ANKRD27: variants seen among roughly 807,000 people sequenced by gnomAD.
ANKRD27 encodes ankyrin repeat domain 27, also known as ankyrin repeat domain-containing protein 27.
ANKRD27 carries 112 observed loss-of-function variants against 129.7 expected under a neutral mutation model. The observed-to-expected ratio is 0.86, with a 90% CI of 0.74 to 1.01. The LOEUF (loss-of-function observed/expected upper bound fraction) is 1.01, where lower values mean the gene tolerates loss of function less well. Ranked by LOEUF, ANKRD27 falls within the 50% of genes least tolerant of loss-of-function variation. The probability of loss-of-function intolerance (pLI) is 0.00; values close to 1 mark genes in which losing one functional copy is unlikely to be tolerated. For missense variants in ANKRD27, 1,258 were observed against 1,300.5 expected (o/e 0.97, Z 0.50); for synonymous variants, 516 against 511.2 (o/e 1.01, Z -0.13).
chr19:32,670,177 G>A (rs536780782), intron 1 of ANKRD27, among the ~76,000 whole-genome samples: 1 of 152,114 alleles, frequency 6.6e-6, no homozygotes, highest in African/African-American at 2.4e-5. Flanking sequence ...AACACACCAC[G>A]CCCTTAACAA....
In ANKRD27 at chr19:32,619,352, C is replaced by A. The variant is rs373985005; in HGVS notation, c.1915G>T (p.Val639Leu). 1 of 1,613,706 alleles carries A rather than the reference C, an allele frequency of 6.2e-7. No individual in the cohort carries two copies. The highest frequency in any genetic ancestry group is 8.5e-7 in the Non-Finnish European group (1 of 1,179,976). The change falls in exon 20 of 29, where the codon GTG becomes TTG. Residue 639 changes from valine to leucine, a missense_variant. By Grantham distance (32) the Val-to-Leu change is conservative. Coordinates refer to ENST00000306065, the MANE Select transcript of ANKRD27 (RefSeq NM_032139.3). The stretch of plus-strand genomic sequence containing the variant: ...GAGGACTCTTGGCTGATGGAGTCCA[C>A]GGAGCGCTGCGGGGACTGCACAGGG... ...EAPVQSPQRSVDSISQESSTS... is the reference protein window; with the variant it reads ...EAPVQSPQRSLDSISQESSTS...
intron 22 of ANKRD27, among the ~76,000 whole-genome samples, chr19:32,610,483 TAAAA>T (rs35230573): frequency 5.6e-5 from 6 of 107,454 alleles, no homozygotes; most frequent in Admixed American, 1.0e-4. Flanking sequence ...AGACCGTCTC[TAAAA>T]AAAAAAAAAA....
Position 32,602,061 on chromosome 19 carries a change from A to T in ANKRD27, c.2721T>A (p.Ala907=). ...TGACATACTCCTTGCGGTCAGTTTC[A>T]GCCACATCATCTAATGAAGCAACAC... ...PSCVASLDDV[A]ETDRKEYVTV... is the part of the protein sequence containing the mutation. The change falls in exon 26 of 29, where the codon GCT becomes GCA. Residue 907 remains alanine (A), a synonymous_variant. Coordinates refer to ENST00000306065, the MANE Select transcript of ANKRD27 (RefSeq NM_032139.3). 4.3e-6 allele frequency: 7 copies of T among 1,614,114 alleles called. No individual in the cohort carries two copies. Among genetic ancestry groups the T allele is most frequent in the Non-Finnish European group, 5.9e-6 (7 of 1,179,974 alleles).
At chr19:32,645,989 A>T (rs259222) in intron 4 of ANKRD27, among the ~76,000 whole-genome samples, 70 of 151,776 alleles carry the variant, frequency 4.6e-4, no homozygotes, top group African/African-American at 1.6e-3. Flanking sequence ...TCGAGTACAG[A>T]GGCGTGATCT....
At position 32,659,004 on chromosome 19, in the gene ANKRD27, A is replaced by G. The variant is rs1388415092; in HGVS notation, c.12T>C (p.Tyr4=). 6.2e-7 allele frequency: 1 copy of G among 1,613,762 alleles called. No individual in the cohort carries two copies. The highest frequency in any genetic ancestry group is 8.5e-7 in the Non-Finnish European group (1 of 1,179,696). MAL[Y]DEDLLKNPFY... Reference sequence around the variant, plus strand: ...AAGGATTTTTCAGGAGGTCTTCATCATACAGAGCCATATGGACTTCAGATG... The same window carrying G: ...AAGGATTTTTCAGGAGGTCTTCATCGTACAGAGCCATATGGACTTCAGATG... The change falls in exon 2 of 29, where the codon TAT becomes TAC. Residue 4 remains tyrosine (Y), a synonymous_variant. Transcript: ENST00000306065.
chr19:32,617,901 T>G (rs1020574296), intron 20 of ANKRD27, among the ~76,000 whole-genome samples: 1 of 152,048 alleles, frequency 6.6e-6, no homozygotes, highest in Non-Finnish European at 1.5e-5. Context: ...ATTACAGGCA[T>G]GCACCACCAT....
chr19:32,607,241 G>A (rs1290439901), intron 23 of ANKRD27, among the ~76,000 whole-genome samples: 1 of 151,896 alleles, frequency 6.6e-6, no homozygotes, highest in Non-Finnish European at 1.5e-5. Flanking sequence ...CCTCTATGGG[G>A]CCCTGACTGT....
At chr19:32,605,685 G>T (rs1250228796) in intron 24 of ANKRD27, 150 bp downstream of exon 24, 2 of 1,058,244 alleles carry the variant, frequency 1.9e-6, no homozygotes, top group Non-Finnish European at 2.7e-6. Context: ...CCCCGTGTGG[G>T]AAGACGCACG....
chr19:32,597,909 TGGA>T lies in ANKRD27; in HGVS notation c.*233_*235del, dbSNP rs1971593078. ...TCTGGCTTAAGGATCTGGATGCTAC[TGGA>T]ATTTTTGTCTGTTTCAATTGTATTC... On this transcript the variant is annotated 3_prime_UTR_variant, in exon 29 of 29. Transcript: ENST00000306065. The T allele has an allele frequency of 3.5e-6, 2 of 565,102 alleles. No individual in the cohort carries two copies. The highest frequency in any genetic ancestry group is 3.8e-5 in the African/African-American group (2 of 53,266). The allele number at this position is 565,102 out of a possible 1,614,324, so 35.0% of individuals were successfully genotyped here.
intron 3 of ANKRD27, 51 bp downstream of exon 3, chr19:32,649,631 G>T: frequency 1.6e-6 from 2 of 1,255,816 alleles, no homozygotes; most frequent in Non-Finnish European, 2.3e-6. Flanking sequence ...CTCCCCTCTG[G>T]CCCCAAACAC....
In ANKRD27 at chr19:32,656,083, G is replaced by GGA. The variant is rs1317708309; in HGVS notation, c.102+2830_102+2831insTC. Among the ~76,000 whole-genome samples, 9 of 118,544 alleles carry GGA rather than the reference G, an allele frequency of 7.6e-5. No individual in the cohort carries two copies. In the East Asian group the frequency reaches 1.2e-3, roughly 15 times the overall value. The allele number at this position is 118,544 out of a possible 152,430, so 77.8% of individuals were successfully genotyped here. On this transcript the variant is annotated intron_variant, in intron 2 of 28. Transcript: ENST00000306065. ...GAAAAGAAAGAAAGAAAGAAAGAAA[G>GGA]AAAGAAAGAAAGAAAGAAAGAAAGA... is the stretch of plus-strand genomic sequence containing the variant.
chr19:32,648,391 A>G (rs986333739), intron 3 of ANKRD27, among the ~76,000 whole-genome samples: 3 of 152,250 alleles, frequency 2.0e-5, no homozygotes, highest in African/African-American at 2.4e-5. Context: ...CATTCTATCA[A>G]TGCTAAATTA....
At chr19:32,600,536 A>G (rs142846669) in intron 26 of ANKRD27, among the ~76,000 whole-genome samples, 2,685 of 152,252 alleles carry the variant, frequency 0.018, 80 homozygotes, top group African/African-American at 0.062. Flanking sequence ...GCAAGACTCC[A>G]TCTCAAAAAA....
At position 32,605,964 on chromosome 19, in the gene ANKRD27, A is replaced by C. The variant is rs748109626; in HGVS notation, c.2374-10T>G. On this transcript the variant is annotated splice_polypyrimidine_tract_variant and intron_variant, in intron 23 of 28. Transcript: ENST00000306065. ...ACAGACACTTCACCACCTGGGCCAG[A>C]GAAGGAAAACGTGCAAACTTAATCA... 3 of 1,611,234 alleles carry C rather than the reference A, an allele frequency of 1.9e-6. No individual in the cohort carries two copies. In the South Asian group the frequency reaches 3.3e-5, roughly 18 times the overall value.
At chr19:32,611,376 C>A (rs1345488922) in intron 22 of ANKRD27, among the ~76,000 whole-genome samples, 3 of 152,120 alleles carry the variant, frequency 2.0e-5, no homozygotes, top group Non-Finnish European at 4.4e-5. Flanking sequence ...GTGTTCTGGA[C>A]CATGTGCATC....
rs774373960 is a variant in ANKRD27 at position 32,605,878 on chromosome 19, G to T, written c.2450C>A (p.Ala817Asp). Residue 817 changes from alanine (A) to aspartate (D), a missense_variant, in exon 24 of 29, where the codon GCC becomes GAC. Physicochemically the swap from Ala to Asp is moderately radical, Grantham distance 126 (BLOSUM62 -2). Coordinates refer to ENST00000306065, the MANE Select transcript of ANKRD27 (RefSeq NM_032139.3). ...AAGCTCGTGATGGCCACCGGAGCAG[G>T]CGTAAATGAGGGGCGTGTTTCCACT... ...DLSGNTPLIY[A>D]CSGGHHELVA... The T allele has an allele frequency of 9.3e-6, 15 of 1,614,088 alleles. No homozygotes were observed. In the South Asian group the frequency reaches 1.5e-4, roughly 17 times the overall value.
At chr19:32,654,004 G>C (rs998063166) in intron 2 of ANKRD27, among the ~76,000 whole-genome samples, 2 of 152,060 alleles carry the variant, frequency 1.3e-5, no homozygotes, top group Non-Finnish European at 2.9e-5. Flanking sequence ...GGGTTCACGC[G>C]ATTCTCCTGC....
At chr19:32,614,480 A>G (rs446486) in intron 22 of ANKRD27, among the ~76,000 whole-genome samples, 88,539 of 151,688 alleles carry the variant, frequency 0.58, 26,929 homozygotes, top group Non-Finnish European at 0.69. Context: ...GAGATGGGCG[A>G]ATCACTTGAG....
intron 22 of ANKRD27, among the ~76,000 whole-genome samples, chr19:32,614,628 C>T (rs1480394003): frequency 6.6e-6 from 1 of 151,782 alleles, no homozygotes; most frequent in Non-Finnish European, 1.5e-5. Flanking sequence ...CGCTTCAACC[C>T]GGGAGGCAGA....
Sources: allele counts gnomAD v4.1 joint callset (sites outside exome capture counted in the v4.1 genomes callset), GRCh38; gene constraint gnomAD v4.1.1; transcripts MANE v1.5; gene names NCBI Gene and HGNC (gene_info 2026-07-23, HGNC 2026-07-21).